The following FAM168A variants were observed in gnomAD, a reference collection of about 807,000 sequenced individuals.
FAM168A encodes the protein family with sequence similarity 168 member A.
A neutral mutation model predicts 28.5 loss-of-function variants in FAM168A; 3 were observed. The ratio of observed to expected loss-of-function variants is 0.11; its 90% CI spans 0.05 to 0.27. The LOEUF (loss-of-function observed/expected upper bound fraction) is 0.27, where lower values mean the gene tolerates loss of function less well. Ranked by LOEUF, FAM168A falls within the 10% of genes least tolerant of loss-of-function variation. FAM168A has a pLI of 1.00. For synonymous variants in FAM168A, 122 were observed against 124.2 expected (o/e 0.98, Z 0.12); for missense variants, 222 against 311.5 (o/e 0.71, Z 2.16).
rs1866467305 is a variant in FAM168A, at chr11:73,404,447, A to G, written c.*2316T>C. 6.6e-6 allele frequency: 1 copy of G among 152,204 alleles called. No homozygotes were observed. Among genetic ancestry groups the G allele is most frequent in the South Asian group, 2.1e-4 (1 of 4,832 alleles). The allele number at this position is 152,204 out of a possible 1,614,324, so 9.4% of individuals were successfully genotyped here. ...AAATCCAAAGGTTTCTATTATTATTATCATTATTATTATTTTGGCATTTTT... is the reference window on the plus strand; with the variant it reads ...AAATCCAAAGGTTTCTATTATTATTGTCATTATTATTATTTTGGCATTTTT... On this transcript the variant is annotated 3_prime_UTR_variant, in exon 8 of 8. Coordinates refer to ENST00000356467, the MANE Select transcript of FAM168A (RefSeq NM_015159.3).
At chr11:73,477,453 G>T (rs1867903727) in intron 1 of FAM168A, among the ~76,000 whole-genome samples, 1 of 151,298 alleles carries the variant, frequency 6.6e-6, no homozygotes, top group Non-Finnish European at 1.5e-5. Context: ...ATTTGATTAA[G>T]ACAACAACAA....
At chr11:73,458,326 A>G (rs1867577825) in intron 2 of FAM168A, among the ~76,000 whole-genome samples, 1 of 152,218 alleles carries the variant, frequency 6.6e-6, no homozygotes, top group African/African-American at 2.4e-5. Context: ...CAGGAAAGTA[A>G]ATCAGTCACA....
At chr11:73,447,470 T>C (rs1466635165) in intron 2 of FAM168A, among the ~76,000 whole-genome samples, 1 of 151,526 alleles carries the variant, frequency 6.6e-6, no homozygotes, top group Non-Finnish European at 1.5e-5. Context: ...GGAGGATCAC[T>C]TGAACCCAGG....
At chr11:73,518,836 G>T (rs367916881) in intron 1 of FAM168A, among the ~76,000 whole-genome samples, 24 of 152,292 alleles carry the variant, frequency 1.6e-4, no homozygotes, top group African/African-American at 5.8e-4. Flanking sequence ...GGCAGAGGTT[G>T]CAGTGAGCCA....
rs192100513 is a variant in FAM168A, at chr11:73,418,815, T to A, written c.277+1059A>T. 1.9e-3 allele frequency among the ~76,000 whole-genome samples: 292 copies of A among 152,024 alleles called. 1 individual carries two copies. In the East Asian group the frequency reaches 0.02, roughly 11 times the overall value. On this transcript the variant is annotated intron_variant, in intron 4 of 7. Coordinates refer to ENST00000356467, the MANE Select transcript of FAM168A (RefSeq NM_015159.3). ...AATGCCACTCAGTAATTTCATTTTTTTTTTTTTTTTTGAGACGGAGTCTTG... is the reference window on the plus strand; with the variant it reads ...AATGCCACTCAGTAATTTCATTTTTATTTTTTTTTTTGAGACGGAGTCTTG...
At chr11:73,420,558 G>A (rs1386653137) in intron 3 of FAM168A, among the ~76,000 whole-genome samples, 12 of 152,346 alleles carry the variant, frequency 7.9e-5, no homozygotes, top group Admixed American at 4.6e-4. Flanking sequence ...GTGCCACACC[G>A]AACCTAGTTA....
At chr11:73,514,328 T>C (rs1428254046) in intron 1 of FAM168A, among the ~76,000 whole-genome samples, 1 of 152,180 alleles carries the variant, frequency 6.6e-6, no homozygotes, top group African/African-American at 2.4e-5. Flanking sequence ...CCTGGCATAA[T>C]ACAACTGCTT....
Position 73,581,285 on chromosome 11 carries a change from T to C in FAM168A, c.-19+16638A>G, listed in dbSNP as rs1565307414. Among the ~76,000 whole-genome samples the C allele has an allele frequency of 4.6e-5, 7 of 152,342 alleles. No homozygotes were observed. In the South Asian group the frequency reaches 1.4e-3, roughly 32 times the overall value. On this transcript the variant is annotated intron_variant, in intron 1 of 7. Transcript: ENST00000356467. ...ACATGTCCTGTCTGAAATGCCATGA[T>C]TGTTTACGGACAGTATCTTTAATAA...
chr11:73,401,378 C>A lies in FAM168A; in HGVS notation c.*5385G>T, dbSNP rs113861741. ...TAGCTAGAGGCCTGGCCTTACCCCC[C>A]CTGGGTAAGGAGGAGCTTGAGTCAC... On this transcript the variant is annotated 3_prime_UTR_variant, in exon 8 of 8. Transcript: ENST00000356467. 1 of 152,088 alleles carries A rather than the reference C, an allele frequency of 6.6e-6. No individual in the cohort carries two copies. Among genetic ancestry groups the A allele is most frequent in the South Asian group, 2.1e-4 (1 of 4,828 alleles). The allele number at this position is 152,088 out of a possible 1,614,324, so 9.4% of individuals were successfully genotyped here.
At chr11:73,550,383 G>GTGGC (rs1565294492) in intron 1 of FAM168A, among the ~76,000 whole-genome samples, 1 of 152,228 alleles carries the variant, frequency 6.6e-6, no homozygotes, top group Non-Finnish European at 1.5e-5. Flanking sequence ...GCCAGGCTTG[G>GTGGC]TGGCTCATGC....
At chr11:73,492,571 G>A (rs1294492814) in intron 1 of FAM168A, among the ~76,000 whole-genome samples, 1 of 152,138 alleles carries the variant, frequency 6.6e-6, no homozygotes, top group Non-Finnish European at 1.5e-5. Context: ...AAGCCTGGAG[G>A]TCAAGGCTGC....
intron 6 of FAM168A, 84 bp downstream of exon 6, chr11:73,409,403 C>T (rs770983345): frequency 1.3e-6 from 2 of 1,557,576 alleles, no homozygotes; most frequent in Non-Finnish European, 1.7e-6. Flanking sequence ...TGCTGTGCTG[C>T]AGCCAATTCT....
chr11:73,569,465 C>T (rs1565302370), intron 1 of FAM168A, among the ~76,000 whole-genome samples: 1 of 152,172 alleles, frequency 6.6e-6, no homozygotes, highest in Admixed American at 6.5e-5. Flanking sequence ...TTACCTCTTA[C>T]CTTCAGTTAG....
chr11:73,460,736 T>A (rs988169396), intron 2 of FAM168A, among the ~76,000 whole-genome samples: 1 of 151,864 alleles, frequency 6.6e-6, no homozygotes, highest in Non-Finnish European at 1.5e-5. Context: ...ACTCCTGACT[T>A]CAGGTAATCC....
intron 1 of FAM168A, among the ~76,000 whole-genome samples, chr11:73,591,924 G>T (rs947176637): frequency 1.3e-5 from 2 of 152,180 alleles, no homozygotes; most frequent in Non-Finnish European, 2.9e-5. Flanking sequence ...AAATAGCATA[G>T]CTGTTATCTA....
At chr11:73,492,534 C>T (rs570724037) in intron 1 of FAM168A, among the ~76,000 whole-genome samples, 3 of 152,112 alleles carry the variant, frequency 2.0e-5, no homozygotes, top group South Asian at 2.1e-4. Flanking sequence ...CCCAGCTACA[C>T]GGGGGGCTGA....
chr11:73,414,642 T>G (rs926856662), intron 4 of FAM168A, among the ~76,000 whole-genome samples: 1 of 152,220 alleles, frequency 6.6e-6, no homozygotes, highest in Non-Finnish European at 1.5e-5. Flanking sequence ...GATAAATACA[T>G]TAACTGTTAA....
intron 1 of FAM168A, among the ~76,000 whole-genome samples, chr11:73,522,935 C>T (rs1015981578): frequency 6.6e-6 from 1 of 151,942 alleles, no homozygotes; most frequent in East Asian, 1.9e-4. Flanking sequence ...ATTGCTTGAA[C>T]CCAGGAGGTG....
rs1218065694 is a variant in FAM168A, at chr11:73,403,135, G to A, written c.*3628C>T. 1.3e-5 allele frequency: 2 copies of A among 152,220 alleles called. No individual in the cohort carries two copies. The highest frequency in any genetic ancestry group is 2.9e-5 in the Non-Finnish European group (2 of 68,044). 9.4% of individuals were successfully genotyped at this position (152,220 alleles called of 1,614,324 possible). ...TACCAAAAACGCTCTGGACAGGTGT[G>A]TGTGTCTCTGCTAAATATTCAGGAA... On this transcript the variant is annotated 3_prime_UTR_variant, in exon 8 of 8. Transcript: ENST00000356467.
Sources: allele counts gnomAD v4.1 joint callset (sites outside exome capture counted in the v4.1 genomes callset), GRCh38; gene constraint gnomAD v4.1.1; transcripts MANE v1.5; gene names NCBI Gene and HGNC (gene_info 2026-07-23, HGNC 2026-07-21).